Variants in UNC13C observed in about 807,000 individuals in gnomAD.
The protein encoded by UNC13C is protein unc-13 homolog C.
Under a neutral mutation model 245.4 loss-of-function variants are expected in UNC13C, and 174 were observed. The ratio of observed to expected loss-of-function variants is 0.71; its 90% confidence interval spans 0.63 to 0.80. The LOEUF (loss-of-function observed/expected upper bound fraction) is 0.80, where lower values mean the gene tolerates loss of function less well. Ranked by LOEUF, UNC13C falls within the 30% of genes least tolerant of loss-of-function variation. The pLI, the probability that UNC13C is intolerant of heterozygous loss-of-function variation, is 0.00. For synonymous variants in UNC13C, 992 were observed against 895.1 expected, an observed-to-expected ratio of 1.11 and a Z score of -1.93; for missense variants, 2,829 against 2,602.9, an observed-to-expected ratio of 1.09 and a Z score of -1.89.
intron 28 of UNC13C, among the ~76,000 whole-genome samples, chr15:54,552,068 A>G (rs1285714631): frequency 6.6e-6 from 1 of 150,956 alleles, no homozygotes; most frequent in Non-Finnish European, 1.5e-5. Context: ...ATTGATAGAT[A>G]ACTGCCTAAA....
chr15:54,284,623 T>G (rs2037093482), intron 10 of UNC13C, among the ~76,000 whole-genome samples: 1 of 138,274 alleles, frequency 7.2e-6, no homozygotes, highest in Non-Finnish European at 1.6e-5. Flanking sequence ...ATGTGCACAC[T>G]TGTGCACACA....
intron 17 of UNC13C, among the ~76,000 whole-genome samples, chr15:54,373,537 G>A (rs1007371459): frequency 1.3e-5 from 2 of 152,148 alleles, no homozygotes; most frequent in Admixed American, 6.5e-5. Flanking sequence ...CCAGCTCCCT[G>A]CAAGGCTGCA....
chr15:53,942,717 G>GCA, the UNC13C span, among the ~76,000 whole-genome samples: 1 of 152,170 alleles, frequency 6.6e-6, no homozygotes, highest in African/African-American at 2.4e-5. Flanking sequence ...AGGCTGGAGT[G>GCA]CAGTGGCGAG....
the UNC13C span, among the ~76,000 whole-genome samples, chr15:53,972,428 T>C: frequency 6.6e-6 from 1 of 152,226 alleles, no homozygotes; most frequent in East Asian, 1.9e-4. Flanking sequence ...TCTATGTGGA[T>C]CTATTTTGAT....
intron 2 of UNC13C, among the ~76,000 whole-genome samples, chr15:54,026,152 C>T (rs555478793): frequency 6.6e-6 from 1 of 152,242 alleles, no homozygotes; most frequent in Admixed American, 6.5e-5. Context: ...TCAACATGCC[C>T]TTTGCATTTT....
At position 54,274,828 on chromosome 15, in the gene UNC13C, C is replaced by T. The variant is rs184987307; in HGVS notation, c.3818+9332C>T. The stretch of plus-strand genomic sequence containing the variant: ...CTGGGACTACAGGCGCCCGCCACCA[C>T]GCCCAGCTAATTTTTGTATTTTTAG... On this transcript the variant is annotated intron_variant, in intron 10 of 32. Transcript: ENST00000260323. Among the ~76,000 whole-genome samples the T allele has an allele frequency of 1.7e-3, 257 of 151,938 alleles. 1 individual carries two copies. The highest frequency in any genetic ancestry group is 0.015 in the Admixed American group (232 of 15,260).
At chr15:53,875,153 T>C in the UNC13C span, among the ~76,000 whole-genome samples, 1 of 152,176 alleles carries the variant, frequency 6.6e-6, no homozygotes, top group African/African-American at 2.4e-5. Flanking sequence ...TTTAAGTACA[T>C]TGAGCAGTGC....
At chr15:54,360,019 G>A (rs922268823) in intron 17 of UNC13C, among the ~76,000 whole-genome samples, 1 of 151,648 alleles carries the variant, frequency 6.6e-6, no homozygotes, top group Non-Finnish European at 1.5e-5. Context: ...CTGTGTTTCT[G>A]TTTTCACTTG....
the UNC13C span, among the ~76,000 whole-genome samples, chr15:53,929,411 T>G: frequency 6.6e-6 from 1 of 152,210 alleles, no homozygotes; most frequent in Admixed American, 6.5e-5. Flanking sequence ...TAAGAAAAAA[T>G]GATATCACCA....
At chr15:54,471,656 T>C (rs1441748383) in intron 19 of UNC13C, among the ~76,000 whole-genome samples, 1 of 151,554 alleles carries the variant, frequency 6.6e-6, no homozygotes, top group Non-Finnish European at 1.5e-5. Context: ...TTAAGACTTA[T>C]TTTGTGGCCT....
At chr15:53,891,347 G>C in the UNC13C span, among the ~76,000 whole-genome samples, 1 of 152,168 alleles carries the variant, frequency 6.6e-6, no homozygotes, top group East Asian at 1.9e-4. Flanking sequence ...CTGTTGATTT[G>C]GGGTGGAGAG....
At chr15:54,170,771 G>A (rs1595942197) in intron 4 of UNC13C, among the ~76,000 whole-genome samples, 1 of 152,146 alleles carries the variant, frequency 6.6e-6, no homozygotes, top group South Asian at 2.1e-4. Flanking sequence ...TTGTAAGTAT[G>A]TTTTGGCTGT....
chr15:53,946,673 GTTTTTTTTT>G, the UNC13C span, among the ~76,000 whole-genome samples: 1 of 99,284 alleles, frequency 1.0e-5, no homozygotes, highest in Non-Finnish European at 1.9e-5. Flanking sequence ...GTGAGCTGAG[GTTTTTTTTT>G]TTTTTTTTTT....
At chr15:54,061,572 C>A (rs1897836492) in intron 2 of UNC13C, among the ~76,000 whole-genome samples, 1 of 152,092 alleles carries the variant, frequency 6.6e-6, no homozygotes, top group East Asian at 1.9e-4. Context: ...TGGAATCTTA[C>A]CTCCCTTGTC....
chr15:54,128,796 C>T (rs1463062992), intron 2 of UNC13C, among the ~76,000 whole-genome samples: 1 of 152,128 alleles, frequency 6.6e-6, no homozygotes, highest in Non-Finnish European at 1.5e-5. Flanking sequence ...TGAGTCTCTG[C>T]TTACAGAACC....
At chr15:54,182,167 T>C (rs1333144628) in intron 4 of UNC13C, among the ~76,000 whole-genome samples, 2 of 152,032 alleles carry the variant, frequency 1.3e-5, no homozygotes, top group Non-Finnish European at 2.9e-5. Flanking sequence ...GTTGCCTCCG[T>C]GTTTATCATA....
chr15:54,302,550 C>A (rs2140949543), intron 13 of UNC13C, among the ~76,000 whole-genome samples: 1 of 152,168 alleles, frequency 6.6e-6, no homozygotes, highest in South Asian at 2.1e-4. Context: ...AATAGGAAAC[C>A]CTTTCCCCAT....
At chr15:54,633,316 T>C (rs1901491490), downstream of UNC13C, 1 of 152,224 alleles carries the variant, frequency 6.6e-6, no homozygotes, top group Non-Finnish European at 1.5e-5. Flanking sequence ...CATTGATTTA[T>C]TACTGTCTTA....
the UNC13C span, among the ~76,000 whole-genome samples, chr15:53,927,552 TA>T: frequency 6.6e-6 from 1 of 152,112 alleles, no homozygotes; most frequent in Non-Finnish European, 1.5e-5. Flanking sequence ...ACAAGACACT[TA>T]TTAGAGTAAG....
Sources: allele counts gnomAD v4.1 joint callset (sites outside exome capture counted in the v4.1 genomes callset), GRCh38; gene constraint gnomAD v4.1.1; transcripts MANE v1.5; gene names NCBI Gene and HGNC (gene_info 2026-07-23, HGNC 2026-07-21).